The following LUZP2 variants were observed in gnomAD, a reference collection of about 807,000 sequenced individuals.
The protein encoded by LUZP2 is leucine zipper protein 2.
LUZP2 carries 52 observed loss-of-function variants against 51.6 expected under a neutral mutation model. That is an observed-to-expected ratio of 1.01 (90% CI 0.81 to 1.27). The LOEUF (loss-of-function observed/expected upper bound fraction) is 1.27. Ranked by LOEUF, LUZP2 falls within the 50% of genes most tolerant of loss-of-function variation. The pLI, the probability that LUZP2 is intolerant of heterozygous loss-of-function variation, is 0.00. For synonymous variants in LUZP2, 154 were observed against 137.3 expected (o/e 1.12, Z -0.85); for missense variants, 436 against 395.4 (o/e 1.10, Z -0.87).
At chr11:24,748,206 G>A (rs1281326821) in intron 4 of LUZP2, among the ~76,000 whole-genome samples, 1 of 152,166 alleles carries the variant, frequency 6.6e-6, no homozygotes, top group Non-Finnish European at 1.5e-5. Flanking sequence ...GACGCAGTGA[G>A]CTCCCAGGGC....
At chr11:24,969,507 T>G (rs894555904) in intron 7 of LUZP2, among the ~76,000 whole-genome samples, 1 of 152,176 alleles carries the variant, frequency 6.6e-6, no homozygotes, top group African/African-American at 2.4e-5. Flanking sequence ...GCTGTTCTCT[T>G]TTATCCCAGC....
At chr11:24,549,063 A>T (rs1851645661) in intron 1 of LUZP2, among the ~76,000 whole-genome samples, 1 of 151,810 alleles carries the variant, frequency 6.6e-6, no homozygotes, top group Non-Finnish European at 1.5e-5. Context: ...AACTTTTTTT[A>T]CTCTATACAC....
intron 5 of LUZP2, among the ~76,000 whole-genome samples, chr11:24,899,510 G>A (rs778579732): frequency 2.0e-5 from 3 of 151,662 alleles, no homozygotes; most frequent in African/African-American, 4.8e-5. Context: ...GAAAGATATC[G>A]CCAGACTATA....
At chr11:24,783,605 A>C (rs1849155154) in intron 5 of LUZP2, among the ~76,000 whole-genome samples, 1 of 151,964 alleles carries the variant, frequency 6.6e-6, no homozygotes, top group Non-Finnish European at 1.5e-5. Context: ...ATTTTATTTC[A>C]TACATGAATC....
intron 9 of LUZP2, among the ~76,000 whole-genome samples, chr11:25,041,369 T>C (rs1344177168): frequency 1.3e-5 from 2 of 151,894 alleles, no homozygotes; most frequent in African/African-American, 4.8e-5. Context: ...TCTTTCTTAC[T>C]CTCTCTCTCT....
At chr11:25,063,920 A>G (rs1474149831) in intron 10 of LUZP2, among the ~76,000 whole-genome samples, 1 of 151,852 alleles carries the variant, frequency 6.6e-6, no homozygotes, top group Non-Finnish European at 1.5e-5. Flanking sequence ...GACAAAGAAC[A>G]GGTGAAAAAA....
At chr11:24,729,397 A>G (rs750718615) in intron 2 of LUZP2, 111 bp downstream of exon 2, 2 of 539,892 alleles carry the variant, frequency 3.7e-6, no homozygotes, top group East Asian at 5.9e-5. Context: ...GGGCTTGACC[A>G]TGGTGGTTGT....
chr11:24,642,547 G>A (rs1855326288), intron 1 of LUZP2, among the ~76,000 whole-genome samples: 1 of 151,736 alleles, frequency 6.6e-6, no homozygotes, highest in South Asian at 2.1e-4. Flanking sequence ...ATGGGAAGTG[G>A]GGAAACTTAA....
intron 1 of LUZP2, among the ~76,000 whole-genome samples, chr11:24,655,107 G>A (rs1855761860): frequency 6.6e-6 from 1 of 152,136 alleles, no homozygotes; most frequent in Non-Finnish European, 1.5e-5. Context: ...ATTGTGAAGT[G>A]GCAATTAACC....
At chr11:24,957,755 T>G (rs77446177) in intron 7 of LUZP2, among the ~76,000 whole-genome samples, 1 of 151,072 alleles carries the variant, frequency 6.6e-6, no homozygotes, top group Non-Finnish European at 1.5e-5. Context: ...GGTTGATTTC[T>G]TTTTTTTTAT....
intron 7 of LUZP2, among the ~76,000 whole-genome samples, chr11:24,931,898 A>G (rs1047386644): frequency 2.0e-5 from 3 of 152,048 alleles, no homozygotes; most frequent in Admixed American, 2.0e-4. Flanking sequence ...TATCAGAGGG[A>G]AGATCTGGGG....
At chr11:24,668,990 T>C (rs929563882) in intron 1 of LUZP2, among the ~76,000 whole-genome samples, 122 of 152,274 alleles carry the variant, frequency 8.0e-4, no homozygotes, top group African/African-American at 2.8e-3. Flanking sequence ...TAAACGGCTT[T>C]TTCCTTCAAC....
intron 7 of LUZP2, among the ~76,000 whole-genome samples, chr11:24,966,300 G>C (rs1281015823): frequency 6.6e-6 from 1 of 151,342 alleles, no homozygotes; most frequent in African/African-American, 2.4e-5. Context: ...AGTTTCATTT[G>C]TATGTTTTGG....
intron 1 of LUZP2, among the ~76,000 whole-genome samples, chr11:24,642,510 T>C (rs1005988187): frequency 6.6e-6 from 1 of 151,944 alleles, no homozygotes; most frequent in Non-Finnish European, 1.5e-5. Context: ...TAACTCATTT[T>C]ACATCTAGAA....
At chr11:24,624,064 T>C (rs1437234170) in intron 1 of LUZP2, among the ~76,000 whole-genome samples, 1 of 152,158 alleles carries the variant, frequency 6.6e-6, no homozygotes, top group African/African-American at 2.4e-5. Context: ...TTAAATATCA[T>C]TAATCTTAAG....
At chr11:24,857,423 A>G (rs919236355) in intron 5 of LUZP2, among the ~76,000 whole-genome samples, 63 of 151,422 alleles carry the variant, frequency 4.2e-4, no homozygotes, top group Admixed American at 3.5e-3. Flanking sequence ...ATATTTTTAT[A>G]TAAACAAGTA....
At chr11:24,808,212 G>T (rs1159113187) in intron 5 of LUZP2, among the ~76,000 whole-genome samples, 2 of 152,110 alleles carry the variant, frequency 1.3e-5, no homozygotes, top group African/African-American at 2.4e-5. Context: ...TAACAACATA[G>T]GTGCTAGCAT....
chr11:24,616,866 A>G (rs757946272), intron 1 of LUZP2, among the ~76,000 whole-genome samples: 4 of 152,192 alleles, frequency 2.6e-5, no homozygotes, highest in Non-Finnish European at 5.9e-5. Flanking sequence ...AAATCTGTAT[A>G]TCAAGTTGGA....
At chr11:24,685,067 T>G (rs191275442) in intron 1 of LUZP2, among the ~76,000 whole-genome samples, 1 of 151,660 alleles carries the variant, frequency 6.6e-6, no homozygotes, top group African/African-American at 2.4e-5. Context: ...GTGTTTTCCA[T>G]ATCTATCCAA....
Sources: gnomAD v4.1 joint callset for allele counts (sites outside exome capture counted in the v4.1 genomes callset) on GRCh38, gnomAD v4.1.1 for gene constraint, MANE v1.5 for transcripts, NCBI Gene and HGNC (gene_info 2026-07-23, HGNC 2026-07-21) for gene names.